PAPOLA: variants seen among roughly 807,000 people sequenced by gnomAD.
PAPOLA encodes polynucleotide adenylyltransferase alpha.
Under a neutral mutation model 100.6 loss-of-function variants are expected in PAPOLA, and 15 were observed. The ratio of observed to expected loss-of-function variants is 0.15; its 90% CI spans 0.10 to 0.23. The LOEUF (loss-of-function observed/expected upper bound fraction) is 0.23. PAPOLA is among the 10% of genes least tolerant of loss of function. The pLI is 1.00. For synonymous variants in PAPOLA, 293 were observed against 300.0 expected, an observed-to-expected ratio of 0.98 and a Z score of 0.24; for missense variants, 533 against 884.2, an observed-to-expected ratio of 0.60 and a Z score of 5.04.
In PAPOLA at chr14:96,527,638, A is replaced by G. The variant is rs1250170826; in HGVS notation, c.441+99A>G. 63 of 705,174 alleles carry G rather than the reference A, an allele frequency of 8.9e-5. 1 individual carries two copies. The highest frequency in any genetic ancestry group is 1.5e-4 in the Non-Finnish European group (59 of 406,470). 43.7% of individuals were successfully genotyped at this position (705,174 alleles called of 1,614,324 possible). On this transcript the variant is annotated intron_variant, in intron 5 of 21. Coordinates refer to ENST00000216277, the MANE Select transcript of PAPOLA (RefSeq NM_032632.5). Reference sequence around the variant, plus strand: ...TAGCCATCATTTATTGAGTTCTTGCAATTTGCCAAACCTTTCTAAACACTT... The same window carrying G: ...TAGCCATCATTTATTGAGTTCTTGCGATTTGCCAAACCTTTCTAAACACTT...
intron 1 of PAPOLA, among the ~76,000 whole-genome samples, chr14:96,505,387 A>G (rs950356901): frequency 6.6e-6 from 1 of 152,166 alleles, no homozygotes; most frequent in African/African-American, 2.4e-5. Flanking sequence ...TGGAAACTAG[A>G]TGTATTTCTG....
At chr14:96,521,199 T>C (rs1434349815) in intron 3 of PAPOLA, 127 bp downstream of exon 3, 4 of 635,148 alleles carry the variant, frequency 6.3e-6, no homozygotes, top group Non-Finnish European at 1.1e-5. Flanking sequence ...TTTTAGACTA[T>C]TGATAACAGA....
intron 17 of PAPOLA, among the ~76,000 whole-genome samples, chr14:96,554,352 G>A (rs1468529570): frequency 6.6e-6 from 1 of 152,178 alleles, no homozygotes; most frequent in Non-Finnish European, 1.5e-5. Flanking sequence ...GTGCCCTTGA[G>A]GGCTCTCTCA....
chr14:96,552,918 A>AT (rs1443221604), intron 17 of PAPOLA: 14 of 310,116 alleles, frequency 4.5e-5, no homozygotes, highest in South Asian at 3.7e-4. Context: ...AGTGCACTGT[A>AT]TGGTGTGCTG....
chr14:96,546,396 C>A (rs543353134), intron 15 of PAPOLA, among the ~76,000 whole-genome samples: 1 of 152,194 alleles, frequency 6.6e-6, no homozygotes, highest in African/African-American at 2.4e-5. Context: ...TATTTTTAAG[C>A]CAGATCATAT....
At chr14:96,553,812 C>T (rs1901062967) in intron 17 of PAPOLA, among the ~76,000 whole-genome samples, 1 of 152,170 alleles carries the variant, frequency 6.6e-6, no homozygotes, top group South Asian at 2.1e-4. Context: ...CACGCCCGGC[C>T]TGTATTACAA....
chr14:96,530,338 T>C (rs1898881930), intron 6 of PAPOLA, among the ~76,000 whole-genome samples: 1 of 152,136 alleles, frequency 6.6e-6, no homozygotes, highest in Middle Eastern at 3.2e-3. Context: ...ACCAGGTATT[T>C]GTACATTTCC....
intron 6 of PAPOLA, among the ~76,000 whole-genome samples, chr14:96,531,125 C>T (rs1898977387): frequency 6.6e-6 from 1 of 152,144 alleles, no homozygotes. Context: ...CCTCAGCCTC[C>T]CCAGTAACTG....
chr14:96,541,326 A>G (rs1489848129), intron 12 of PAPOLA, among the ~76,000 whole-genome samples: 1 of 152,212 alleles, frequency 6.6e-6, no homozygotes, highest in Non-Finnish European at 1.5e-5. Context: ...GACTTTTCAA[A>G]GAGTAAAATA....
chr14:96,519,438 C>A (rs1897758620), intron 1 of PAPOLA, among the ~76,000 whole-genome samples: 1 of 152,070 alleles, frequency 6.6e-6, no homozygotes, highest in Non-Finnish European at 1.5e-5. Flanking sequence ...TGCCTTTTTA[C>A]AAATTTGGAA....
At chr14:96,532,116 A>G (rs1899070105) in intron 7 of PAPOLA, 3 of 1,362,276 alleles carry the variant, frequency 2.2e-6, no homozygotes, top group Non-Finnish European at 2.8e-6. Context: ...AGTGCTTACA[A>G]TAGGAGATAA....
At chr14:96,561,454 A>G (rs1296561591) in intron 20 of PAPOLA, among the ~76,000 whole-genome samples, 1 of 152,216 alleles carries the variant, frequency 6.6e-6, no homozygotes, top group Non-Finnish European at 1.5e-5. Flanking sequence ...TTCACTTTGT[A>G]AACCAAGAAA....
chr14:96,542,255 A>C lies in PAPOLA; in HGVS notation c.1128A>C (p.Val376=). 3 of 1,592,982 alleles carry C rather than the reference A, an allele frequency of 1.9e-6. No homozygotes were observed. The highest frequency in any genetic ancestry group is 2.6e-6 in the Non-Finnish European group (3 of 1,161,222). ...TTTATCTTCAAAGGCATTATATTGT[A>C]CTTCTAGCAAGTGCACCAACAGAAA... is the stretch of plus-strand genomic sequence containing the variant. The part of the protein sequence containing the change: ...NFFQKYKHYI[V]LLASAPTEKQ... The change falls in exon 13 of 22, where the codon GTA becomes GTC. Residue 376 remains valine, a synonymous_variant. Transcript: ENST00000216277.
intron 1 of PAPOLA, 62 bp downstream of exon 1, chr14:96,502,662 A>G: frequency 6.5e-7 from 1 of 1,542,508 alleles, no homozygotes; most frequent in African/African-American, 1.4e-5. Context: ...GCGTCCGGGA[A>G]GGGGAAGAGG....
At chr14:96,537,317 G>A in intron 12 of PAPOLA, 1 of 433,408 alleles carries the variant, frequency 2.3e-6, no homozygotes, top group Non-Finnish European at 4.2e-6. Context: ...GCATACATCA[G>A]TCATGACAAA....
At chr14:96,562,733 T>G (rs1043630781) in intron 20 of PAPOLA, 86 bp from the exon 21 acceptor site, 2 of 761,112 alleles carry the variant, frequency 2.6e-6, no homozygotes, top group Non-Finnish European at 4.5e-6. Flanking sequence ...CCAGTTTGTC[T>G]TCTTTATTAG....
rs1419275498 is a variant in PAPOLA at position 96,520,172 on chromosome 14, A to G, written c.126A>G (p.Leu42=). The G allele has an allele frequency of 3.1e-6, 5 of 1,613,982 alleles. No individual in the cohort carries two copies. Among genetic ancestry groups the G allele is most frequent in the Non-Finnish European group, 4.2e-6 (5 of 1,179,874 alleles). ...KETDCVLTQK[L]IETLKPFGVF... ...CTGACTGCGTACTTACACAGAAACT[A>G]ATTGAGACATTGAAACCCTTTGGGG... is the stretch of plus-strand genomic sequence containing the variant. The change falls in exon 2 of 22, where the codon CTA becomes CTG. Residue 42 remains leucine (L), a synonymous_variant. Transcript: ENST00000216277.
chr14:96,516,920 T>C lies in PAPOLA; in HGVS notation c.9-3135T>C, dbSNP rs538411228. On this transcript the variant is annotated intron_variant, in intron 1 of 21. Transcript: ENST00000216277. ...TTCCAAGCATTGTTTATTGTGACAA[T>C]GAAAGCCTAAAGATTTGAGTAAGAA... is the stretch of plus-strand genomic sequence containing the variant. Among the ~76,000 whole-genome samples the C allele has an allele frequency of 2.1e-4, 32 of 152,168 alleles. No homozygotes were observed. In the South Asian group the frequency reaches 6.4e-3, roughly 31 times the overall value.
chr14:96,528,874 G>T (rs1019570460), intron 6 of PAPOLA, among the ~76,000 whole-genome samples: 1 of 152,172 alleles, frequency 6.6e-6, no homozygotes, highest in Non-Finnish European at 1.5e-5. Context: ...TTTGGTAAAG[G>T]ATTATCAAGT....
Sources: gnomAD v4.1 joint callset for allele counts (sites outside exome capture counted in the v4.1 genomes callset) on GRCh38, gnomAD v4.1.1 for gene constraint, MANE v1.5 for transcripts, NCBI Gene and HGNC (gene_info 2026-07-23, HGNC 2026-07-21) for gene names.